The following STK31 variants were observed in gnomAD, a reference collection of about 807,000 sequenced individuals.
STK31 encodes serine/threonine kinase 31.
STK31 carries 89 observed loss-of-function variants against 129.7 expected under a neutral mutation model. The ratio of observed to expected loss-of-function variants is 0.69; its 90% CI spans 0.58 to 0.82. The LOEUF is 0.82. Among genes scored for constraint, STK31 ranks in the 40% least tolerant of loss-of-function variants. The pLI is 0.00. For missense variants in STK31, 1,187 were observed against 1,176.4 expected (o/e 1.01, Z -0.13); for synonymous variants, 448 against 395.3 (o/e 1.13, Z -1.58).
intron 8 of STK31, 126 bp from the exon 9 acceptor site, chr7:23,752,591 T>C (rs1788779475): frequency 1.4e-6 from 1 of 689,884 alleles, no homozygotes; most frequent in Admixed American, 2.6e-5. Flanking sequence ...TCTGTCCTCC[T>C]TGGCCTCCCA....
rs183076624 is a variant in STK31 at position 23,750,108 on chromosome 7, C to T, written c.1018-2609C>T. 5.4e-4 allele frequency among the ~76,000 whole-genome samples: 73 copies of T among 134,872 alleles called. No individual in the cohort carries two copies. The South Asian group carries it at 6.8e-3, about 13-fold the overall frequency. The allele number at this position is 134,872 out of a possible 152,430, so 88.5% of individuals were successfully genotyped here. A position where few individuals can be genotyped will look rare whatever the true frequency, so the allele number is the denominator to read the frequency against. ...CTGGAAACATGAGGGGATTTTACTG[C>T]GATGATATGTATGATACTGTATTTA... is the stretch of plus-strand genomic sequence containing the variant. On this transcript the variant is annotated intron_variant, in intron 8 of 23. Coordinates refer to ENST00000355870, the MANE Select transcript of STK31 (RefSeq NM_031414.5).
intron 11 of STK31, among the ~76,000 whole-genome samples, chr7:23,764,542 A>G (rs1789690390): frequency 6.6e-6 from 1 of 152,210 alleles, no homozygotes; most frequent in Admixed American, 6.5e-5. Flanking sequence ...TTTGTGGCAT[A>G]CAATACATGT....
intron 23 of STK31, among the ~76,000 whole-genome samples, chr7:23,818,909 G>A (rs1793625298): frequency 6.6e-6 from 1 of 152,224 alleles, no homozygotes; most frequent in African/African-American, 2.4e-5. Context: ...ACAGGTGTGA[G>A]CCACTGCTGG....
At chr7:23,731,400 A>C (rs1311471652) in intron 6 of STK31, among the ~76,000 whole-genome samples, 4 of 152,056 alleles carry the variant, frequency 2.6e-5, no homozygotes, top group African/African-American at 7.2e-5. Context: ...TGTTTTAGTC[A>C]CTCCGTATAT....
intron 8 of STK31, among the ~76,000 whole-genome samples, chr7:23,751,755 T>C (rs1185828362): frequency 6.6e-6 from 1 of 152,230 alleles, no homozygotes; most frequent in African/African-American, 2.4e-5. Context: ...TATGCAAATA[T>C]ACATTTAGAA....
chr7:23,739,839 G>C (rs1427094060), intron 8 of STK31, among the ~76,000 whole-genome samples: 1 of 152,128 alleles, frequency 6.6e-6, no homozygotes, highest in East Asian at 1.9e-4. Context: ...CTTTATATCT[G>C]TTTTGGTACC....
Position 23,788,118 on chromosome 7 carries a change from A to G in STK31, c.2626A>G (p.Thr876Ala), listed in dbSNP as rs1011537266. 1.9e-6 allele frequency: 3 copies of G among 1,609,662 alleles called. No homozygotes were observed. The highest frequency in any genetic ancestry group is 2.5e-6 in the Non-Finnish European group (3 of 1,178,410). The change falls in exon 21 of 24, where the codon ACC (threonine) becomes GCC (alanine). Residue 876 changes from threonine to alanine, a missense_variant. Coordinates refer to ENST00000355870, the MANE Select transcript of STK31 (RefSeq NM_031414.5). ...EQGIVGDFDFTKSVSQRASVN... is the reference protein window; with the variant it reads ...EQGIVGDFDFAKSVSQRASVN... The stretch of plus-strand genomic sequence containing the variant: ...AGGAATTGTTGGAGATTTTGACTTC[A>G]CCAAATCTGTGGTAAGATATCATGG...
chr7:23,754,163 A>G, intron 9 of STK31, 152 bp from the exon 10 acceptor site: 1 of 546,974 alleles, frequency 1.8e-6, no homozygotes, highest in Non-Finnish European at 2.9e-6. Flanking sequence ...AAAATAAGTT[A>G]TACATGATTT....
chr7:23,788,213 T>TA lies in STK31; in HGVS notation c.2637+85dup, dbSNP rs374786288. ...AGTTCAGCACTTATATATAATATAA[T>TA]ACTTTATTATAGGATCTTTGTCTTC... On this transcript the variant is annotated intron_variant, in intron 21 of 23. Coordinates refer to ENST00000355870, the MANE Select transcript of STK31 (RefSeq NM_031414.5). 4.1e-4 allele frequency: 477 copies of TA among 1,150,192 alleles called. No individual in the cohort carries two copies. In the African/African-American group the frequency reaches 6.9e-3, roughly 17 times the overall value. The allele number at this position is 1,150,192 out of a possible 1,614,324, so 71.2% of individuals were successfully genotyped here.
intron 8 of STK31, among the ~76,000 whole-genome samples, chr7:23,746,917 A>G (rs933834684): frequency 4.6e-5 from 7 of 152,040 alleles, no homozygotes; most frequent in African/African-American, 1.2e-4. Flanking sequence ...TAAACTTTTT[A>G]CTTTTTTTTC....
At chr7:23,808,985 G>A (rs1324370788) in intron 22 of STK31, among the ~76,000 whole-genome samples, 2 of 150,954 alleles carry the variant, frequency 1.3e-5, no homozygotes, top group Non-Finnish European at 3.0e-5. Context: ...GTGTCTGTTG[G>A]CATTTCTGGG....
intron 23 of STK31, among the ~76,000 whole-genome samples, chr7:23,827,097 G>T (rs1394248074): frequency 1.3e-5 from 2 of 152,102 alleles, no homozygotes; most frequent in Non-Finnish European, 2.9e-5. Flanking sequence ...TTCTTGAGGA[G>T]TATCTTTGTG....
intron 7 of STK31, among the ~76,000 whole-genome samples, chr7:23,736,237 TCC>T (rs1204781396): frequency 6.6e-6 from 1 of 152,240 alleles, no homozygotes; most frequent in Non-Finnish European, 1.5e-5. Flanking sequence ...TTGAAGTTCT[TCC>T]TATGGCTTTA....
At chr7:23,817,198 A>AAT (rs1554298334) in intron 23 of STK31, among the ~76,000 whole-genome samples, 1 of 151,300 alleles carries the variant, frequency 6.6e-6, no homozygotes, top group Non-Finnish European at 1.5e-5. Flanking sequence ...AAAAAAAAAA[A>AAT]AATAATAATA....
At chr7:23,762,093 C>T (rs7791629) in intron 10 of STK31, among the ~76,000 whole-genome samples, 148,278 of 151,316 alleles carry the variant, frequency 0.98, 72,744 homozygotes, top group East Asian at 1. Context: ...TATTTTATTT[C>T]ATTTTATTAT....
intron 23 of STK31, among the ~76,000 whole-genome samples, chr7:23,824,733 T>A (rs1584506403): frequency 6.6e-6 from 1 of 152,112 alleles, no homozygotes; most frequent in African/African-American, 2.4e-5. Context: ...TGGCTGTGGG[T>A]TTGTCATAGA....
At chr7:23,767,212 A>G (rs1428049241) in intron 11 of STK31, among the ~76,000 whole-genome samples, 1 of 152,088 alleles carries the variant, frequency 6.6e-6, no homozygotes, top group African/African-American at 2.4e-5. Flanking sequence ...AAAGTGGCTT[A>G]GTTTTTTATA....
intron 8 of STK31, among the ~76,000 whole-genome samples, chr7:23,745,531 G>A (rs1267834579): frequency 6.6e-6 from 1 of 152,214 alleles, no homozygotes; most frequent in Non-Finnish European, 1.5e-5. Flanking sequence ...GCAGCTGCAG[G>A]TGGGAAAGTT....
intron 8 of STK31, among the ~76,000 whole-genome samples, chr7:23,750,173 A>G (rs1054536697): frequency 1.3e-5 from 2 of 150,630 alleles, no homozygotes; most frequent in South Asian, 4.2e-4. Flanking sequence ...TAAAATTCAC[A>G]AAAGCATGGG....
Sources: gnomAD v4.1 joint callset for allele counts (sites outside exome capture counted in the v4.1 genomes callset) on GRCh38, gnomAD v4.1.1 for gene constraint, MANE v1.5 for transcripts, NCBI Gene and HGNC (gene_info 2026-07-23, HGNC 2026-07-21) for gene names.